HDAC9: variants seen among roughly 807,000 people sequenced by gnomAD.
HDAC9 encodes the protein MEF-2 interacting transcription repressor (MITR) protein.
Under a neutral mutation model 139.4 loss-of-function variants are expected in HDAC9, and 41 were observed. The observed-to-expected ratio is 0.29, with a 90% CI of 0.23 to 0.38. The LOEUF is 0.38. Among genes scored for constraint, HDAC9 ranks in the 10% least tolerant of loss-of-function variants. The pLI, the probability that HDAC9 is intolerant of heterozygous loss-of-function variation, is 1.00. For missense variants in HDAC9, 1,147 were observed against 1,297.0 expected (o/e 0.88, Z 1.78); for synonymous variants, 517 against 476.2 (o/e 1.09, Z -1.12).
At chr7:18,713,972 G>A (rs73315444) in intron 12 of HDAC9, among the ~76,000 whole-genome samples, 10,442 of 152,204 alleles carry the variant, frequency 0.069, 1,028 homozygotes, top group African/African-American at 0.22. Context: ...CCTATTTGGA[G>A]AAATACCTGA....
At chr7:18,190,445 A>G (rs1790261605) in intron 2 of HDAC9, among the ~76,000 whole-genome samples, 1 of 152,230 alleles carries the variant, frequency 6.6e-6, no homozygotes, top group Admixed American at 6.5e-5. Context: ...TGCCTTCGCC[A>G]AAATTTATAC....
chr7:18,535,538 T>C (rs1326829449), intron 2 of HDAC9, among the ~76,000 whole-genome samples: 1 of 151,670 alleles, frequency 6.6e-6, no homozygotes, highest in African/African-American at 2.4e-5. Context: ...AATGATGATC[T>C]CTATTATATC....
At chr7:18,257,589 G>T (rs1308069920) in intron 2 of HDAC9, among the ~76,000 whole-genome samples, 1 of 152,040 alleles carries the variant, frequency 6.6e-6, no homozygotes, top group Non-Finnish European at 1.5e-5. Context: ...ACGGTAGGAG[G>T]TTTATAAGAT....
intron 2 of HDAC9, among the ~76,000 whole-genome samples, chr7:18,215,023 T>A (rs1792200859): frequency 1.3e-5 from 2 of 152,168 alleles, no homozygotes; most frequent in African/African-American, 4.8e-5. Flanking sequence ...GGTATGATAA[T>A]GGGCTTATGC....
rs1786566444 is a variant in HDAC9 at position 18,998,107 on chromosome 7, C to T, written c.*2045C>T. ...AAAAATAGTAGAGCCAAAGGCTTAA[C>T]AAAAGACTCTCCCCCATTTTAAAAA... is the stretch of plus-strand genomic sequence containing the variant. On this transcript the variant is annotated 3_prime_UTR_variant, in exon 26 of 26. Coordinates refer to ENST00000686413, the MANE Select transcript of HDAC9 (RefSeq NM_178425.4). 1 of 152,060 alleles carries T rather than the reference C, an allele frequency of 6.6e-6. No individual in the cohort carries two copies. Among genetic ancestry groups the T allele is most frequent in the South Asian group, 2.1e-4 (1 of 4,826 alleles). The allele number at this position is 152,060 out of a possible 1,614,324, so 9.4% of individuals were successfully genotyped here.
intron 22 of HDAC9, among the ~76,000 whole-genome samples, chr7:18,911,946 A>G (rs1802778118): frequency 1.3e-5 from 2 of 152,006 alleles, no homozygotes; most frequent in South Asian, 4.1e-4. Context: ...TGTTCCATGT[A>G]CTAATGAGAA....
At position 18,276,320 on chromosome 7, in the gene HDAC9, G is replaced by A. The variant is rs531590195; in HGVS notation, c.25+113971G>A. Among the ~76,000 whole-genome samples, 4 of 152,152 alleles carry A rather than the reference G, an allele frequency of 2.6e-5. No homozygotes were observed. The East Asian group carries it at 7.7e-4, about 29-fold the overall frequency. On this transcript the variant is annotated intron_variant, in intron 2 of 12. Coordinates refer to the HDAC9 transcript ENST00000417496. ...AAAGAGCTTTCCCAAGAGCAAGTGT[G>A]GTATTGATACAGTATTTCCTTTATA...
At chr7:18,983,034 G>A (rs59287726) in intron 25 of HDAC9, among the ~76,000 whole-genome samples, 9,039 of 152,134 alleles carry the variant, frequency 0.059, 339 homozygotes, top group Middle Eastern at 0.099. Context: ...GTGTATTGTT[G>A]TGCAACAGGT....
intron 12 of HDAC9, among the ~76,000 whole-genome samples, chr7:18,708,620 C>T (rs1562871209): frequency 6.6e-6 from 1 of 152,016 alleles, no homozygotes; most frequent in Non-Finnish European, 1.5e-5. Flanking sequence ...GGAATGGAAG[C>T]CAGGTGAGGT....
intron 1 of HDAC9, among the ~76,000 whole-genome samples, chr7:18,103,824 CAT>C (rs933145903): frequency 1.3e-4 from 18 of 141,886 alleles, no homozygotes; most frequent in African/African-American, 3.6e-4. Flanking sequence ...TAATATAAAA[CAT>C]CGGAATAAAT....
intron 16 of HDAC9, among the ~76,000 whole-genome samples, chr7:18,782,822 G>C (rs927620291): frequency 1.2e-4 from 19 of 152,008 alleles, no homozygotes; most frequent in African/African-American, 4.6e-4. Context: ...TATGAGGAAG[G>C]AGTATTATTC....
At chr7:18,752,828 G>T (rs1430638194) in intron 14 of HDAC9, among the ~76,000 whole-genome samples, 1 of 152,134 alleles carries the variant, frequency 6.6e-6, no homozygotes, top group East Asian at 1.9e-4. Context: ...CCACGTCTGT[G>T]TAGCCACTTC....
chr7:18,608,122 C>A (rs1262734455), intron 6 of HDAC9, among the ~76,000 whole-genome samples: 1 of 152,114 alleles, frequency 6.6e-6, no homozygotes, highest in East Asian at 1.9e-4. Flanking sequence ...ATATTCCATG[C>A]AAATGCATGC....
At chr7:18,608,810 C>T (rs945110155) in intron 6 of HDAC9, among the ~76,000 whole-genome samples, 1 of 152,132 alleles carries the variant, frequency 6.6e-6, no homozygotes, top group Non-Finnish European at 1.5e-5. Context: ...AAGGAGCTCA[C>T]AGTCTTCATA....
At chr7:18,918,648 T>G (rs1316484557) in intron 22 of HDAC9, among the ~76,000 whole-genome samples, 1 of 152,018 alleles carries the variant, frequency 6.6e-6, no homozygotes, top group African/African-American at 2.4e-5. Context: ...TAATATACTC[T>G]TGGGTAATGC....
intron 25 of HDAC9, among the ~76,000 whole-genome samples, chr7:18,991,693 C>G (rs1277338443): frequency 1.3e-5 from 2 of 151,760 alleles, no homozygotes; most frequent in African/African-American, 4.8e-5. Context: ...ACTTATGACA[C>G]ATACTTATGA....
At chr7:18,288,212 A>G (rs184469677), upstream of HDAC9, among the ~76,000 whole-genome samples, 2 of 152,370 alleles carry the variant, frequency 1.3e-5, no homozygotes. Flanking sequence ...CAATACAACA[A>G]AAAGCAAAAT....
intron 3 of HDAC9, among the ~76,000 whole-genome samples, chr7:18,588,179 G>A (rs1056979156): frequency 3.3e-5 from 5 of 152,166 alleles, no homozygotes; most frequent in Non-Finnish European, 7.4e-5. Flanking sequence ...TTGCTCCAGA[G>A]TGACTCTGAT....
chr7:18,533,024 T>A (rs1809559607), intron 2 of HDAC9, among the ~76,000 whole-genome samples: 2 of 152,190 alleles, frequency 1.3e-5, no homozygotes, highest in Non-Finnish European at 2.9e-5. Flanking sequence ...CTCTTCCCAG[T>A]AGTTGAATCA....
Sources: allele counts gnomAD v4.1 joint callset (sites outside exome capture counted in the v4.1 genomes callset), GRCh38; gene constraint gnomAD v4.1.1; transcripts MANE v1.5; gene names NCBI Gene and HGNC (gene_info 2026-07-23, HGNC 2026-07-21).